Variants in MARCHF1 observed in about 807,000 individuals in gnomAD.
The protein encoded by MARCHF1 is membrane associated ring-CH-type finger 1, also known as E3 ubiquitin-protein ligase MARCHF1.
MARCHF1 carries 40 observed loss-of-function variants against 54.2 expected under a neutral mutation model. The ratio of observed to expected loss-of-function variants is 0.74; its 90% CI spans 0.57 to 0.96. The LOEUF is 0.96. Ranked by LOEUF, MARCHF1 falls within the 40% of genes least tolerant of loss-of-function variation. MARCHF1 has a pLI of 0.00. For missense variants in MARCHF1, 586 were observed against 656.5 expected (o/e 0.89, Z 1.17); for synonymous variants, 236 against 236.3 (o/e 1.00, Z 0.01).
At chr4:163,834,437 T>G (rs989998038) in intron 4 of MARCHF1, among the ~76,000 whole-genome samples, 5 of 152,280 alleles carry the variant, frequency 3.3e-5, no homozygotes, top group African/African-American at 1.2e-4. Context: ...GTTTTTCACA[T>G]ATTGGATCTT....
chr4:163,880,164 C>CAG lies in MARCHF1; in HGVS notation c.-38-25997_-38-25996dup, dbSNP rs140380199. ...TTACTCTTAAATTTACATACATATG[C>CAG]AGAGAGAGAGAGAGAGAGGTTGAGA... On this transcript the variant is annotated intron_variant, in intron 3 of 9. Coordinates refer to ENST00000514618, the MANE Select transcript of MARCHF1 (RefSeq NM_001394959.1). 9.6e-3 allele frequency among the ~76,000 whole-genome samples: 1,418 copies of CAG among 148,088 alleles called. 20 individuals carry two copies. Among genetic ancestry groups the CAG allele is most frequent in the African/African-American group, 0.032 (1,295 of 40,728 alleles).
In MARCHF1 at chr4:163,738,754, TA is replaced by T. The variant is rs1191146856; in HGVS notation, c.112-37892del. Reference sequence around the variant, plus strand: ...GCTGAGTAAAAATACTTCACTGTCATAAAGACAAAAGCCACAGCTGGATAGA... The same window carrying T: ...GCTGAGTAAAAATACTTCACTGTCATAAGACAAAAGCCACAGCTGGATAGA... On this transcript the variant is annotated intron_variant, in intron 4 of 9. Coordinates refer to ENST00000514618, the MANE Select transcript of MARCHF1 (RefSeq NM_001394959.1). 1.9e-3 allele frequency among the ~76,000 whole-genome samples: 286 copies of T among 152,300 alleles called. 5 individuals are homozygous for T. The highest frequency in any genetic ancestry group is 1.3e-4 in the Non-Finnish European group (9 of 68,002).
intron 5 of MARCHF1, among the ~76,000 whole-genome samples, chr4:163,693,005 A>G (rs559991855): frequency 6.6e-6 from 1 of 151,640 alleles, no homozygotes; most frequent in East Asian, 2.0e-4. Flanking sequence ...ATGGACGTTA[A>G]TATACAATCA....
chr4:163,843,921 G>A (rs894880037), intron 4 of MARCHF1, among the ~76,000 whole-genome samples: 1 of 151,668 alleles, frequency 6.6e-6, no homozygotes, highest in Non-Finnish European at 1.5e-5. Flanking sequence ...ATGCCTGTAT[G>A]TCTTCTTTTA....
chr4:163,578,322 G>C (rs1740105509), intron 8 of MARCHF1, among the ~76,000 whole-genome samples: 2 of 152,052 alleles, frequency 1.3e-5, no homozygotes, highest in African/African-American at 4.8e-5. Context: ...GTGAGGTTAT[G>C]TTTTCCCAGC....
intron 4 of MARCHF1, among the ~76,000 whole-genome samples, chr4:163,796,054 G>C (rs771215512): frequency 2.6e-5 from 4 of 152,014 alleles, no homozygotes; most frequent in Non-Finnish European, 5.9e-5. Context: ...AGGCGGAAGA[G>C]GAGGAGCAAA....
chr4:163,811,760 C>G (rs1249646388), intron 4 of MARCHF1, among the ~76,000 whole-genome samples: 1 of 152,146 alleles, frequency 6.6e-6, no homozygotes, highest in Non-Finnish European at 1.5e-5. Flanking sequence ...TTACAGTTTA[C>G]TAGGCCCTGT....
chr4:164,184,524 T>C (rs1730916043), intron 1 of MARCHF1, among the ~76,000 whole-genome samples: 1 of 152,196 alleles, frequency 6.6e-6, no homozygotes, highest in South Asian at 2.1e-4. Context: ...GGATTGTGTC[T>C]GAAATAAAAA....
intron 1 of MARCHF1, among the ~76,000 whole-genome samples, chr4:164,309,908 A>T (rs935586253): frequency 6.6e-6 from 1 of 151,998 alleles, no homozygotes; most frequent in Admixed American, 6.6e-5. Flanking sequence ...GATGCCTCAG[A>T]GTTCCTCTAT....
At position 163,553,741 on chromosome 4, in the gene MARCHF1, T is replaced by C. The variant is rs547183767; in HGVS notation, c.1192-7998A>G. On this transcript the variant is annotated intron_variant, in intron 8 of 9. Coordinates refer to ENST00000514618, the MANE Select transcript of MARCHF1 (RefSeq NM_001394959.1). ...TCTGGGTGACAGATTTCACAAAAGGTTAAAGGAACTCAAACATTCCAAATA... is the reference window on the plus strand; with the variant it reads ...TCTGGGTGACAGATTTCACAAAAGGCTAAAGGAACTCAAACATTCCAAATA... 5.6e-4 allele frequency among the ~76,000 whole-genome samples: 86 copies of C among 152,242 alleles called. 1 individual carries two copies. The highest frequency in any genetic ancestry group is 9.0e-4 in the Non-Finnish European group (61 of 68,014).
chr4:163,638,066 G>T (rs1254584450), intron 5 of MARCHF1, among the ~76,000 whole-genome samples: 1 of 139,364 alleles, frequency 7.2e-6, no homozygotes, highest in Non-Finnish European at 1.5e-5. Context: ...CACAGGAAGA[G>T]GAACATCACA....
chr4:164,214,275 T>C (rs908800754), intron 1 of MARCHF1, among the ~76,000 whole-genome samples: 2 of 152,182 alleles, frequency 1.3e-5, no homozygotes, highest in Non-Finnish European at 2.9e-5. Flanking sequence ...AGACAGTAAA[T>C]GGATTAAGTT....
rs184324128 is a variant in MARCHF1, at chr4:163,922,235, G to T, written c.-39+66266C>A. Reference sequence around the variant, plus strand: ...TTGTGGGGTGGGGGGAGTGGGGAGGGATAGCATTGGGAGATATACCTAATG... The same window carrying T: ...TTGTGGGGTGGGGGGAGTGGGGAGGTATAGCATTGGGAGATATACCTAATG... On this transcript the variant is annotated intron_variant, in intron 3 of 9. Coordinates refer to ENST00000514618, the MANE Select transcript of MARCHF1 (RefSeq NM_001394959.1). Among the ~76,000 whole-genome samples, 506 of 151,688 alleles carry T rather than the reference G, an allele frequency of 3.3e-3. 4 individuals carry two copies. Among genetic ancestry groups the T allele is most frequent in the Middle Eastern group, 0.014 (4 of 294 alleles).
At position 163,915,488 on chromosome 4, in the gene MARCHF1, A is replaced by G. The variant is rs147387838; in HGVS notation, c.-38-61319T>C. Among the ~76,000 whole-genome samples the G allele has an allele frequency of 5.7e-4, 87 of 152,280 alleles. No homozygotes were observed. In the East Asian group the frequency reaches 0.012, roughly 21 times the overall value. On this transcript the variant is annotated intron_variant, in intron 3 of 9. Coordinates refer to ENST00000514618, the MANE Select transcript of MARCHF1 (RefSeq NM_001394959.1). ...AACTAAATGTAATATGGTATCCTGG[A>G]TGAACTCCTGGAACAGAAAAATAAC...
chr4:164,325,338 T>C (rs888918203), intron 1 of MARCHF1, among the ~76,000 whole-genome samples: 1 of 148,716 alleles, frequency 6.7e-6, no homozygotes. Context: ...AGAAATTATA[T>C]ATATATATAT....
At chr4:163,928,310 G>C (rs1404958710) in intron 3 of MARCHF1, among the ~76,000 whole-genome samples, 1 of 151,834 alleles carries the variant, frequency 6.6e-6, no homozygotes, top group Non-Finnish European at 1.5e-5. Context: ...TTTGATTGAA[G>C]ATGCTACCCT....
intron 2 of MARCHF1, among the ~76,000 whole-genome samples, chr4:164,081,038 G>T (rs13122661): frequency 6.8e-6 from 1 of 146,116 alleles, no homozygotes; most frequent in Non-Finnish European, 1.5e-5. Flanking sequence ...GAAACCCCGT[G>T]TCTACTAAAA....
At chr4:163,961,362 A>G (rs1752343455) in intron 3 of MARCHF1, among the ~76,000 whole-genome samples, 1 of 152,006 alleles carries the variant, frequency 6.6e-6, no homozygotes, top group East Asian at 1.9e-4. Flanking sequence ...GCTCTTTCTT[A>G]TATTTAAAAT....
rs551895036 is a variant in MARCHF1 at position 164,048,383 on chromosome 4, C to T, written c.-247-59674G>A. 4.1e-4 allele frequency among the ~76,000 whole-genome samples: 62 copies of T among 152,084 alleles called. 1 individual carries two copies. The highest frequency in any genetic ancestry group is 1.4e-3 in the African/African-American group (57 of 41,494). On this transcript the variant is annotated intron_variant, in intron 2 of 9. Coordinates refer to ENST00000514618, the MANE Select transcript of MARCHF1 (RefSeq NM_001394959.1). ...GTGAAAATAAAATATAAAAACTGTC[C>T]TTGGAGTTATTTATAAACAGAACTT...
Sources: allele counts gnomAD v4.1 joint callset (sites outside exome capture counted in the v4.1 genomes callset), GRCh38; gene constraint gnomAD v4.1.1; transcripts MANE v1.5; gene names NCBI Gene and HGNC (gene_info 2026-07-23, HGNC 2026-07-21).